Variants in ARHGAP24 observed in about 807,000 individuals in gnomAD.
ARHGAP24 encodes rho GTPase-activating protein 24.
A neutral mutation model predicts 76.4 loss-of-function variants in ARHGAP24; 50 were observed. The ratio of observed to expected loss-of-function variants is 0.65; its 90% CI spans 0.52 to 0.83. The LOEUF is 0.83. Among genes scored for constraint, ARHGAP24 ranks in the 40% least tolerant of loss-of-function variants. The pLI, the probability that ARHGAP24 is intolerant of heterozygous loss-of-function variation, is 0.00. For synonymous variants in ARHGAP24, 345 were observed against 323.3 expected, an observed-to-expected ratio of 1.07 and a Z score of -0.72; for missense variants, 930 against 914.2, an observed-to-expected ratio of 1.02 and a Z score of -0.22.
At chr4:85,927,533 G>A (rs1344674850) in intron 4 of ARHGAP24, among the ~76,000 whole-genome samples, 1 of 152,144 alleles carries the variant, frequency 6.6e-6, no homozygotes, top group Non-Finnish European at 1.5e-5. Flanking sequence ...ATTCTGAATT[G>A]TCATAATCAC....
At chr4:85,713,147 A>T (rs1265160709) in intron 2 of ARHGAP24, among the ~76,000 whole-genome samples, 1 of 151,996 alleles carries the variant, frequency 6.6e-6, no homozygotes, top group Admixed American at 6.6e-5. Context: ...AAAATTTAAA[A>T]ATTAGCCAGG....
chr4:85,667,269 G>A (rs978037379), intron 2 of ARHGAP24, among the ~76,000 whole-genome samples: 6 of 152,118 alleles, frequency 3.9e-5, no homozygotes, highest in Admixed American at 6.6e-5. Flanking sequence ...GCTAGCAATC[G>A]GTGAGACTCC....
intron 3 of ARHGAP24, among the ~76,000 whole-genome samples, chr4:85,726,112 GTCAGGGCCA>G (rs1445331181): frequency 6.6e-6 from 1 of 152,100 alleles, no homozygotes; most frequent in East Asian, 1.9e-4. Flanking sequence ...CCTCAAAACA[GTCAGGGCCA>G]TTTGGGTTCT....
At chr4:85,928,280 G>C (rs376307919) in intron 4 of ARHGAP24, among the ~76,000 whole-genome samples, 12 of 145,910 alleles carry the variant, frequency 8.2e-5, no homozygotes, top group African/African-American at 3.1e-4. Flanking sequence ...TCCCTCCCTC[G>C]CACTCTCCTT....
intron 3 of ARHGAP24, among the ~76,000 whole-genome samples, chr4:85,808,762 C>T (rs1021953001): frequency 2.6e-5 from 4 of 152,042 alleles, no homozygotes; most frequent in Admixed American, 6.6e-5. Flanking sequence ...GTTCTGCCAT[C>T]TCAGTGTCCA....
intron 2 of ARHGAP24, among the ~76,000 whole-genome samples, chr4:85,579,298 CAT>C (rs1560539842): frequency 1.3e-5 from 2 of 152,226 alleles, no homozygotes; most frequent in East Asian, 3.9e-4. Context: ...CAGACTATCT[CAT>C]GTGCACAAAC....
intron 2 of ARHGAP24, among the ~76,000 whole-genome samples, chr4:85,674,640 A>G (rs1722913141): frequency 6.6e-6 from 1 of 152,194 alleles, no homozygotes; most frequent in Admixed American, 6.5e-5. Context: ...TCCAAGTCCT[A>G]TGTCCTTTTG....
At position 85,772,193 on chromosome 4, in the gene ARHGAP24, C is replaced by T. The variant is rs147940628; in HGVS notation, c.268+50221C>T. ...GTGACCTCGTTCTTGATACTATCAT[C>T]GTCTTTAGGTCAGTATTAATTCCCA... On this transcript the variant is annotated intron_variant, in intron 3 of 9. Transcript: ENST00000395184. Among the ~76,000 whole-genome samples, 7 of 152,272 alleles carry T rather than the reference C, an allele frequency of 4.6e-5. No homozygotes were observed. In the East Asian group the frequency reaches 7.7e-4, roughly 17 times the overall value.
intron 4 of ARHGAP24, among the ~76,000 whole-genome samples, chr4:85,938,615 C>A (rs1322669699): frequency 6.6e-6 from 1 of 152,094 alleles, no homozygotes; most frequent in Non-Finnish European, 1.5e-5. Flanking sequence ...ATGGGGAGTA[C>A]ACGTCTATTA....
At chr4:85,487,406 ATATT>A (rs1357444264) in intron 1 of ARHGAP24, among the ~76,000 whole-genome samples, 4 of 111,450 alleles carry the variant, frequency 3.6e-5, no homozygotes, top group South Asian at 2.5e-4. Flanking sequence ...ATGTAAATAT[ATATT>A]TATTATATAT....
chr4:85,924,216 G>A (rs567426891), intron 4 of ARHGAP24, among the ~76,000 whole-genome samples: 1 of 152,254 alleles, frequency 6.6e-6, no homozygotes, highest in East Asian at 1.9e-4. Context: ...ATGATTATTG[G>A]AGTAAAAACA....
chr4:85,942,020 G>A lies in ARHGAP24; in HGVS notation c.392-46G>A, dbSNP rs372830272. Reference sequence around the variant, plus strand: ...TTAAAACAACAACAACAACAAAGTGGGAAGAGATAAATTTCCCAAGTTTAC... The same window carrying A: ...TTAAAACAACAACAACAACAAAGTGAGAAGAGATAAATTTCCCAAGTTTAC... On this transcript the variant is annotated intron_variant, in intron 4 of 9. Coordinates refer to ENST00000395184, the MANE Select transcript of ARHGAP24 (RefSeq NM_001025616.3). 1.6e-5 allele frequency: 26 copies of A among 1,578,548 alleles called. No individual in the cohort carries two copies. The African/African-American group carries it at 2.3e-4, about 14-fold the overall frequency.
At chr4:85,977,979 C>T (rs952061667) in intron 8 of ARHGAP24, among the ~76,000 whole-genome samples, 4 of 152,168 alleles carry the variant, frequency 2.6e-5, no homozygotes, top group African/African-American at 9.7e-5. Context: ...AAAAAAACTA[C>T]CTCACTTCGT....
intron 1 of ARHGAP24, among the ~76,000 whole-genome samples, chr4:85,497,431 T>C (rs1021325586): frequency 2.6e-5 from 4 of 152,246 alleles, no homozygotes; most frequent in Non-Finnish European, 5.9e-5. Context: ...GAAATAATTA[T>C]ATAAATGCAA....
At chr4:85,887,814 T>G (rs943105765) in intron 3 of ARHGAP24, among the ~76,000 whole-genome samples, 1 of 152,202 alleles carries the variant, frequency 6.6e-6, no homozygotes, top group Non-Finnish European at 1.5e-5. Context: ...AGTGAGGTCA[T>G]AGGTAAGATA....
At chr4:85,582,762 G>A (rs1337509826) in intron 2 of ARHGAP24, among the ~76,000 whole-genome samples, 1 of 152,034 alleles carries the variant, frequency 6.6e-6, no homozygotes, top group African/African-American at 2.4e-5. Context: ...AAACATTTAT[G>A]GATCTCAGGT....
At chr4:85,826,659 AT>A (rs1350583226) in intron 3 of ARHGAP24, among the ~76,000 whole-genome samples, 1 of 152,192 alleles carries the variant, frequency 6.6e-6, no homozygotes, top group African/African-American at 2.4e-5. Context: ...AGTACTGCAC[AT>A]ATAGAAAGCA....
intron 1 of ARHGAP24, among the ~76,000 whole-genome samples, chr4:85,497,681 G>T (rs1560509259): frequency 6.6e-6 from 1 of 152,154 alleles, no homozygotes; most frequent in Non-Finnish European, 1.5e-5. Flanking sequence ...TTAGCTGGAC[G>T]TGGTGGTGCA....
intron 1 of ARHGAP24, among the ~76,000 whole-genome samples, chr4:85,524,462 A>C (rs940483056): frequency 4.6e-5 from 7 of 152,180 alleles, no homozygotes; most frequent in Admixed American, 6.5e-5. Flanking sequence ...TAATAATAAT[A>C]GCTATCACAT....
Sources: gnomAD v4.1 joint callset for allele counts (sites outside exome capture counted in the v4.1 genomes callset) on GRCh38, gnomAD v4.1.1 for gene constraint, MANE v1.5 for transcripts, NCBI Gene and HGNC (gene_info 2026-07-23, HGNC 2026-07-21) for gene names.